Variants in HAPSTR1 observed in about 807,000 individuals in gnomAD.
HAPSTR1 encodes HUWE1-associated protein modifying stress responses 1.
At chr16:9,105,816 G>C in the HAPSTR1 span, 1 of 152,200 alleles carries the variant, frequency 6.6e-6, no homozygotes, top group Non-Finnish European at 1.5e-5. Flanking sequence ...AAAGAATCTG[G>C]TATTTTGAGG....
the HAPSTR1 span, chr16:9,112,010 C>A: frequency 1.3e-5 from 2 of 152,240 alleles, no homozygotes; most frequent in Admixed American, 1.3e-4. Flanking sequence ...GTCAGCATAA[C>A]TGAAAATGTT....
At chr16:9,112,916 T>A in the HAPSTR1 span, 1 of 152,312 alleles carries the variant, frequency 6.6e-6, no homozygotes, top group African/African-American at 2.4e-5. Flanking sequence ...CTACTTGTTC[T>A]GCTTTTGTCA....
chr16:9,105,518 TTGAA>T, the HAPSTR1 span: 2 of 152,310 alleles, frequency 1.3e-5, no homozygotes, highest in South Asian at 4.1e-4. Context: ...AGAAAGTAAT[TTGAA>T]TGGTTCTAGT....
At chr16:9,110,461 C>T in the HAPSTR1 span, 1 of 152,136 alleles carries the variant, frequency 6.6e-6, no homozygotes, top group Non-Finnish European at 1.5e-5. Flanking sequence ...CTTCCTCCTC[C>T]AAGTGCAGAT....
At chr16:9,105,044 A>G in the HAPSTR1 span, 3 of 152,204 alleles carry the variant, frequency 2.0e-5, no homozygotes, top group South Asian at 2.1e-4. Context: ...AGTAGTGTAC[A>G]TAATAGTAAA....
At chr16:9,107,570 A>C in the HAPSTR1 span, 1 of 152,390 alleles carries the variant, frequency 6.6e-6, no homozygotes, top group South Asian at 2.1e-4. Context: ...TCATGGTTTA[A>C]AGTTTCCCTG....
the HAPSTR1 span, chr16:9,091,661 G>C: frequency 2.8e-5 from 11 of 398,166 alleles, no homozygotes; most frequent in African/African-American, 4.1e-5. Flanking sequence ...CTTGGGGTGG[G>C]CTCCGCGGTG....
At chr16:9,097,670 C>T in the HAPSTR1 span, among the ~76,000 whole-genome samples, 1 of 152,244 alleles carries the variant, frequency 6.6e-6, no homozygotes, top group Admixed American at 6.5e-5. Context: ...CTTAATTGAG[C>T]AGCCCAGGCT....
the HAPSTR1 span, chr16:9,118,263 A>G: frequency 6.6e-6 from 1 of 152,642 alleles, no homozygotes; most frequent in East Asian, 1.9e-4. Context: ...GTTTCCTTGC[A>G]AACTTGTAGT....
the HAPSTR1 span, chr16:9,116,579 T>G: frequency 6.7e-7 from 1 of 1,501,096 alleles, no homozygotes; most frequent in Non-Finnish European, 9.0e-7. Context: ...AGACATGCTT[T>G]GACATTGTGA....
At chr16:9,118,483 T>C in the HAPSTR1 span, 1 of 152,812 alleles carries the variant, frequency 6.5e-6, no homozygotes, top group Admixed American at 6.5e-5. Context: ...AGAAATGTTG[T>C]GTGAATTGAA....
the HAPSTR1 span, among the ~76,000 whole-genome samples, chr16:9,100,446 G>A: frequency 6.6e-6 from 1 of 151,636 alleles, no homozygotes; most frequent in African/African-American, 2.4e-5. Flanking sequence ...ACCTCACGTG[G>A]CCCCTTCCTT....
chr16:9,099,944 C>G, the HAPSTR1 span, among the ~76,000 whole-genome samples: 1 of 152,158 alleles, frequency 6.6e-6, no homozygotes, highest in Non-Finnish European at 1.5e-5. Context: ...TTACATGGGA[C>G]TTTGTATTTT....
At chr16:9,115,048 T>C in the HAPSTR1 span, among the ~76,000 whole-genome samples, 1 of 152,110 alleles carries the variant, frequency 6.6e-6, no homozygotes, top group Non-Finnish European at 1.5e-5. Context: ...GTTGGATCAG[T>C]GCAGAAAGGA....
At chr16:9,092,251 C>G in the HAPSTR1 span, 4 of 1,570,342 alleles carry the variant, frequency 2.5e-6, no homozygotes, top group African/African-American at 1.4e-5. Flanking sequence ...CGGCCACCGC[C>G]GTGGCCCAGC....
At chr16:9,093,626 C>T in the HAPSTR1 span, among the ~76,000 whole-genome samples, 3 of 152,144 alleles carry the variant, frequency 2.0e-5, no homozygotes, top group Non-Finnish European at 2.9e-5. Context: ...TTAAAAGGAT[C>T]CTATATTTGA....
chr16:9,101,980 G>T, the HAPSTR1 span, among the ~76,000 whole-genome samples: 1 of 152,172 alleles, frequency 6.6e-6, no homozygotes, highest in Admixed American at 6.5e-5. Context: ...AATTAGCCAG[G>T]CATGGTGGCG....
At chr16:9,116,544 G>T in the HAPSTR1 span, 1 of 1,270,294 alleles carries the variant, frequency 7.9e-7, no homozygotes, top group Admixed American at 2.2e-5. Context: ...TTGCTTACTA[G>T]TAATCCCTTA....
the HAPSTR1 span, chr16:9,111,839 C>T: frequency 6.6e-6 from 1 of 152,008 alleles, no homozygotes; most frequent in Admixed American, 6.6e-5. Context: ...GGTGCATTTT[C>T]TTCTAGTCTT....
Sources: allele counts gnomAD v4.1 joint callset (sites outside exome capture counted in the v4.1 genomes callset), GRCh38; gene constraint gnomAD v4.1.1; transcripts MANE v1.5; gene names NCBI Gene and HGNC (gene_info 2026-07-23, HGNC 2026-07-21).